The following WLS variants were observed in gnomAD, a reference collection of about 807,000 sequenced individuals.
The protein encoded by WLS is protein wntless homolog.
In WLS, 23 loss-of-function variants were observed where a neutral mutation model predicts 62.8. That is an observed-to-expected ratio of 0.37 (90% CI 0.26 to 0.52). WLS has a LOEUF of 0.52. WLS is among the 20% of genes least tolerant of loss of function. The pLI, the probability that WLS is intolerant of heterozygous loss-of-function variation, is 0.92. For missense variants in WLS, 615 were observed against 697.3 expected, an observed-to-expected ratio of 0.88 and a Z score of 1.33; for synonymous variants, 246 against 244.1, an observed-to-expected ratio of 1.01 and a Z score of -0.07.
chr1:68,121,746 G>T (rs1646366237), downstream of WLS, among the ~76,000 whole-genome samples: 1 of 152,182 alleles, frequency 6.6e-6, no homozygotes, highest in African/African-American at 2.4e-5. Flanking sequence ...CTTGAATCAA[G>T]AAGATGGGTC....
intron 1 of WLS, among the ~76,000 whole-genome samples, chr1:68,209,168 T>C (rs2100642693): frequency 6.6e-6 from 1 of 152,320 alleles, no homozygotes; most frequent in East Asian, 1.9e-4. Flanking sequence ...GGGGGAAGTC[T>C]TCTCCAAACA....
intron 2 of WLS, 32 bp from the exon 3 acceptor site, chr1:68,159,279 G>T: frequency 6.2e-7 from 1 of 1,601,772 alleles, no homozygotes; most frequent in South Asian, 1.1e-5. Flanking sequence ...TTTCAGAAAT[G>T]ACTTTTGGAA....
intron 11 of WLS, among the ~76,000 whole-genome samples, chr1:68,129,904 A>C (rs966696260): frequency 2.6e-5 from 4 of 152,248 alleles, no homozygotes; most frequent in Non-Finnish European, 5.9e-5. Context: ...TTTAGTTTGC[A>C]GTAAATTTCT....
In WLS at chr1:68,125,570, C is replaced by T. The variant is rs7062; in HGVS notation, c.*656G>A. On this transcript the variant is annotated 3_prime_UTR_variant, in exon 12 of 12. Coordinates refer to ENST00000262348, the MANE Select transcript of WLS (RefSeq NM_024911.7). ...GTAGTTTAGCAAACATTTTTTAAAA[C>T]CCACATCCAACAGATTGGTTAGTAT... 296,927 of 984,994 alleles carry T rather than the reference C, an allele frequency of 0.3. 45,313 individuals are homozygous for T. Among genetic ancestry groups the T allele is most frequent in the East Asian group, 0.45 (3,945 of 8,798 alleles). The allele number at this position is 984,994 out of a possible 1,614,324, so 61.0% of individuals were successfully genotyped here.
chr1:68,116,909 A>AGGCT (rs1339955313), intron 11 of WLS, among the ~76,000 whole-genome samples: 2 of 152,178 alleles, frequency 1.3e-5, no homozygotes, highest in Non-Finnish European at 2.9e-5. Flanking sequence ...AGGCTAACAG[A>AGGCT]ACTGTCCCTC....
At chr1:68,108,093 G>A (rs527809065) in intron 11 of WLS, among the ~76,000 whole-genome samples, 5 of 152,154 alleles carry the variant, frequency 3.3e-5, no homozygotes, top group South Asian at 2.1e-4. Context: ...TACAATATTC[G>A]TGCATTCCAG....
chr1:68,132,513 A>T (rs1228695184), intron 11 of WLS, among the ~76,000 whole-genome samples: 3 of 152,224 alleles, frequency 2.0e-5, no homozygotes, highest in Admixed American at 2.0e-4. Context: ...TTCCTATGAA[A>T]CAAGGGGCAG....
chr1:68,191,217 G>C (rs1648285796), intron 2 of WLS, among the ~76,000 whole-genome samples: 1 of 152,052 alleles, frequency 6.6e-6, no homozygotes, highest in Non-Finnish European at 1.5e-5. Flanking sequence ...ATCTGTCTAG[G>C]AGAGATTATA....
intron 11 of WLS, among the ~76,000 whole-genome samples, chr1:68,135,305 CTTTTTTT>C (rs71581156): frequency 1.0e-4 from 7 of 66,762 alleles, no homozygotes; most frequent in South Asian, 8.2e-4. Context: ...CCATGCCTGG[CTTTTTTT>C]TTTTTTTTTT....
chr1:68,161,768 A>C, intron 2 of WLS: 1 of 1,599,596 alleles, frequency 6.3e-7, no homozygotes, highest in South Asian at 1.1e-5. Flanking sequence ...TGCTCGTTGG[A>C]GTGCTCTCGA....
intron 11 of WLS, among the ~76,000 whole-genome samples, chr1:68,100,141 A>G (rs757514756): frequency 3.9e-5 from 6 of 152,252 alleles, no homozygotes; most frequent in African/African-American, 1.2e-4. Context: ...ACATTCATCA[A>G]TTCTAATCTG....
At chr1:68,193,895 A>C in intron 2 of WLS, 60 bp downstream of exon 2, 1 of 1,551,006 alleles carries the variant, frequency 6.4e-7, no homozygotes, top group Non-Finnish European at 8.7e-7. Context: ...TGGCTCAAAA[A>C]GAACCCAAAG....
intron 11 of WLS, among the ~76,000 whole-genome samples, chr1:68,137,213 T>C (rs1646623124): frequency 6.6e-6 from 1 of 152,194 alleles, no homozygotes; most frequent in Admixed American, 6.5e-5. Flanking sequence ...AGCATCCATG[T>C]CTCAGTGTTC....
At chr1:68,130,788 A>C (rs1646506849) in intron 11 of WLS, among the ~76,000 whole-genome samples, 1 of 151,916 alleles carries the variant, frequency 6.6e-6, no homozygotes, top group African/African-American at 2.4e-5. Context: ...AGGCAGGAGG[A>C]CCACTTGAGC....
intron 11 of WLS, among the ~76,000 whole-genome samples, chr1:68,128,702 G>A (rs139718410): frequency 1.3e-5 from 2 of 152,238 alleles, no homozygotes; most frequent in African/African-American, 2.4e-5. Flanking sequence ...TTATTTAAAT[G>A]GATACCTATG....
chr1:68,220,878 T>A (rs928873125), intron 1 of WLS, among the ~76,000 whole-genome samples: 3 of 152,194 alleles, frequency 2.0e-5, no homozygotes, highest in African/African-American at 7.2e-5. Context: ...AGTTTTAACA[T>A]AGAAATATTA....
At chr1:68,112,758 G>A (rs1646244758) in intron 11 of WLS, among the ~76,000 whole-genome samples, 1 of 152,256 alleles carries the variant, frequency 6.6e-6, no homozygotes, top group African/African-American at 2.4e-5. Context: ...TTGTTAAGAA[G>A]ATTTTAAGTT....
chr1:68,207,723 G>A (rs1649335406), intron 1 of WLS, among the ~76,000 whole-genome samples: 1 of 152,212 alleles, frequency 6.6e-6, no homozygotes, highest in African/African-American at 2.4e-5. Context: ...TAGTGGGGCA[G>A]CTTACCTAGC....
At chr1:68,113,701 T>G (rs1646256079) in intron 11 of WLS, among the ~76,000 whole-genome samples, 1 of 152,124 alleles carries the variant, frequency 6.6e-6, no homozygotes, top group Admixed American at 6.5e-5. Context: ...AGGGAGCATG[T>G]TAGAAATGCA....
Sources: allele counts gnomAD v4.1 joint callset (sites outside exome capture counted in the v4.1 genomes callset), GRCh38; gene constraint gnomAD v4.1.1; transcripts MANE v1.5; gene names NCBI Gene and HGNC (gene_info 2026-07-23, HGNC 2026-07-21).